The following MPPED2 variants were observed in gnomAD, a reference collection of about 807,000 sequenced individuals.
MPPED2 encodes metallophosphoesterase MPPED2.
A neutral mutation model predicts 33.0 loss-of-function variants in MPPED2; 5 were observed. The ratio of observed to expected loss-of-function variants is 0.15; its 90% CI spans 0.08 to 0.32. The LOEUF is 0.32. Ranked by LOEUF, MPPED2 falls within the 10% of genes least tolerant of loss-of-function variation. The pLI, the probability that MPPED2 is intolerant of heterozygous loss-of-function variation, is 1.00. For synonymous variants in MPPED2, 136 were observed against 141.9 expected (o/e 0.96, Z 0.29); for missense variants, 275 against 372.1 (o/e 0.74, Z 2.15).
intron 3 of MPPED2, among the ~76,000 whole-genome samples, chr11:30,498,871 T>C (rs1263040277): frequency 6.6e-6 from 1 of 152,192 alleles, no homozygotes; most frequent in Non-Finnish European, 1.5e-5. Flanking sequence ...GGAAGTGAAT[T>C]AATGAGATGT....
intron 3 of MPPED2, among the ~76,000 whole-genome samples, chr11:30,505,811 C>T (rs965749471): frequency 9.9e-5 from 15 of 151,268 alleles, no homozygotes; most frequent in African/African-American, 3.6e-4. Flanking sequence ...AGAGTGTGGA[C>T]TTTGGAGTCA....
chr11:30,448,768 G>A (rs767436649), intron 4 of MPPED2, among the ~76,000 whole-genome samples: 9 of 150,744 alleles, frequency 6.0e-5, no homozygotes, highest in East Asian at 2.0e-4. Flanking sequence ...TCCGCCTCCC[G>A]GGTTCAAGTG....
intron 4 of MPPED2, among the ~76,000 whole-genome samples, chr11:30,419,019 A>G (rs1948497154): frequency 6.6e-6 from 1 of 152,244 alleles, no homozygotes; most frequent in Admixed American, 6.5e-5. Context: ...AAACTAGGAA[A>G]GTATCAGACT....
Position 30,433,463 on chromosome 11 carries a change from AT to A in MPPED2, c.537-15831del, listed in dbSNP as rs201269838. On this transcript the variant is annotated intron_variant, in intron 4 of 6. Coordinates refer to ENST00000358117, the MANE Select transcript of MPPED2 (RefSeq NM_001584.3). ...GCATCTCTTTGAGGTGAATGCTGTG[AT>A]TAACCTTATTTTACAGATGAGGAAA... is the stretch of plus-strand genomic sequence containing the variant. 5.8e-3 allele frequency among the ~76,000 whole-genome samples: 882 copies of A among 152,302 alleles called. 7 individuals are homozygous for A. The highest frequency in any genetic ancestry group is 0.017 in the Middle Eastern group (5 of 292).
chr11:30,401,415 T>C (rs138246512), intron 6 of MPPED2, among the ~76,000 whole-genome samples: 25 of 152,290 alleles, frequency 1.6e-4, no homozygotes, highest in African/African-American at 6.0e-4. Flanking sequence ...GCTGAGAAGA[T>C]ACAGATGTCC....
In MPPED2 at chr11:30,463,482, G is replaced by T. The variant is rs75228055; in HGVS notation, c.536+31814C>A. ...GCATTCCACCCCTTTAGCCCTGGAG[G>T]TTGGTGCAGGCATGAGCATAGGAGC... On this transcript the variant is annotated intron_variant, in intron 4 of 6. Transcript: ENST00000358117. 1.1e-3 allele frequency among the ~76,000 whole-genome samples: 168 copies of T among 152,306 alleles called. 2 individuals are homozygous for T. The highest frequency in any genetic ancestry group is 3.9e-3 in the African/African-American group (161 of 41,570).
intron 3 of MPPED2, among the ~76,000 whole-genome samples, chr11:30,525,061 C>G (rs1452164358): frequency 1.3e-5 from 2 of 152,222 alleles, no homozygotes; most frequent in East Asian, 1.9e-4. Context: ...AGACAAAGCC[C>G]CCAGTCCTAG....
chr11:30,390,703 G>C (rs1188013334), intron 6 of MPPED2, among the ~76,000 whole-genome samples: 1 of 152,180 alleles, frequency 6.6e-6, no homozygotes. Context: ...TATCTTTTAG[G>C]ATCCTTTGGT....
intron 2 of MPPED2, among the ~76,000 whole-genome samples, chr11:30,549,709 T>C (rs1275378852): frequency 2.0e-5 from 3 of 152,182 alleles, no homozygotes; most frequent in Non-Finnish European, 4.4e-5. Context: ...GCCCTACTAT[T>C]AGAGCTCATC....
intron 2 of MPPED2, among the ~76,000 whole-genome samples, chr11:30,575,982 T>C (rs995893103): frequency 1.2e-4 from 18 of 152,198 alleles, no homozygotes; most frequent in Admixed American, 8.5e-4. Flanking sequence ...TTCATTTGTA[T>C]ACACTCCACT....
intron 3 of MPPED2, among the ~76,000 whole-genome samples, chr11:30,533,510 G>A (rs1035662396): frequency 6.6e-6 from 1 of 152,072 alleles, no homozygotes; most frequent in Non-Finnish European, 1.5e-5. Flanking sequence ...AGATTGATCT[G>A]ACCTCTGACT....
At chr11:30,583,787 C>T (rs1228597767) in intron 1 of MPPED2, among the ~76,000 whole-genome samples, 1 of 152,178 alleles carries the variant, frequency 6.6e-6, no homozygotes, top group Non-Finnish European at 1.5e-5. Context: ...CCAGCACAGC[C>T]TATGAGAAAA....
At chr11:30,545,912 G>C (rs1419261005) in intron 2 of MPPED2, among the ~76,000 whole-genome samples, 1 of 152,132 alleles carries the variant, frequency 6.6e-6, no homozygotes, top group Non-Finnish European at 1.5e-5. Flanking sequence ...CGCCCAGGTA[G>C]AGTGCAGTGG....
chr11:30,495,874 G>C (rs942162278), intron 3 of MPPED2, among the ~76,000 whole-genome samples: 3 of 152,064 alleles, frequency 2.0e-5, no homozygotes, highest in Admixed American at 2.0e-4. Flanking sequence ...CTTAAGAGAA[G>C]GTCTGTACCT....
chr11:30,397,471 C>T lies in MPPED2; in HGVS notation c.767-8515G>A, dbSNP rs138902747. 2.8e-3 allele frequency among the ~76,000 whole-genome samples: 431 copies of T among 152,152 alleles called. 3 individuals carry two copies. The highest frequency in any genetic ancestry group is 9.2e-3 in the African/African-American group (380 of 41,526). ...TTAGGACTCAATTATCTAATTTTGGCGATACAAACTATAACATTGACTTAA... is the reference window on the plus strand; with the variant it reads ...TTAGGACTCAATTATCTAATTTTGGTGATACAAACTATAACATTGACTTAA... On this transcript the variant is annotated intron_variant, in intron 6 of 6. Coordinates refer to the MPPED2 transcript ENST00000448418.
At chr11:30,552,806 A>C (rs894695879) in intron 2 of MPPED2, among the ~76,000 whole-genome samples, 2 of 152,168 alleles carry the variant, frequency 1.3e-5, no homozygotes. Context: ...CTAGACACAC[A>C]GCCCTAAGGA....
At chr11:30,524,710 A>G (rs972344708) in intron 3 of MPPED2, among the ~76,000 whole-genome samples, 3 of 152,230 alleles carry the variant, frequency 2.0e-5, no homozygotes, top group Non-Finnish European at 4.4e-5. Context: ...AAAGACACTC[A>G]GGAAGTGAAA....
At chr11:30,429,432 C>T (rs986263910) in intron 4 of MPPED2, among the ~76,000 whole-genome samples, 5 of 152,054 alleles carry the variant, frequency 3.3e-5, no homozygotes, top group South Asian at 2.1e-4. Context: ...CAGTCCAGAC[C>T]GATTTAGTAA....
intron 2 of MPPED2, among the ~76,000 whole-genome samples, chr11:30,574,118 A>G (rs188550418): frequency 5.6e-4 from 86 of 152,346 alleles, no homozygotes; most frequent in African/African-American, 1.9e-3. Flanking sequence ...AGTAGTGTTT[A>G]GTAATGTCCT....
Sources: allele counts gnomAD v4.1 joint callset (sites outside exome capture counted in the v4.1 genomes callset), GRCh38; gene constraint gnomAD v4.1.1; transcripts MANE v1.5; gene names NCBI Gene and HGNC (gene_info 2026-07-23, HGNC 2026-07-21).